The following WWOX variants were observed in gnomAD, a reference collection of about 807,000 sequenced individuals.
WWOX encodes the protein WW domain containing oxidoreductase, also known as WW domain-containing oxidoreductase.
Under a neutral mutation model 46.2 loss-of-function variants are expected in WWOX, and 69 were observed. The observed-to-expected ratio is 1.49, with a 90% CI of 1.23 to 1.82. The LOEUF (loss-of-function observed/expected upper bound fraction) is 1.82, where lower values mean the gene tolerates loss of function less well. Among genes scored for constraint, WWOX ranks in the 40% most tolerant of loss-of-function variants. The pLI is 0.00. For missense variants in WWOX, 919 were observed against 542.6 expected (o/e 1.69, Z -6.89); for synonymous variants, 359 against 202.6 (o/e 1.77, Z -6.56).
At chr16:78,237,015 A>T (rs2075299712) in intron 5 of WWOX, among the ~76,000 whole-genome samples, 1 of 146,706 alleles carries the variant, frequency 6.8e-6, no homozygotes, top group South Asian at 2.2e-4. Flanking sequence ...CGGAGGTTGC[A>T]GTGAGCCGAG....
At chr16:78,452,876 T>TAC (rs1300468771) in intron 8 of WWOX, among the ~76,000 whole-genome samples, 6 of 150,330 alleles carry the variant, frequency 4.0e-5, no homozygotes, top group African/African-American at 1.5e-4. Context: ...TTTATATATA[T>TAC]ATATACATAT....
At chr16:78,231,481 T>C (rs1400186874) in intron 5 of WWOX, among the ~76,000 whole-genome samples, 1 of 152,188 alleles carries the variant, frequency 6.6e-6, no homozygotes, top group Non-Finnish European at 1.5e-5. Context: ...TCAGCCTGAG[T>C]GTTGCTACCT....
chr16:79,074,409 C>CTTTTT lies in WWOX; in HGVS notation c.1057-137170_1057-137166dup, dbSNP rs60074156. ...CATCCTGACTGAAATGTCACTAGTC[C>CTTTTT]TTTTTTTTTTTTTTTTTTTTTTTTT... On this transcript the variant is annotated intron_variant, in intron 8 of 8. Coordinates refer to ENST00000566780, the MANE Select transcript of WWOX (RefSeq NM_016373.4). 2.4e-3 allele frequency among the ~76,000 whole-genome samples: 75 copies of CTTTTT among 30,980 alleles called. 2 individuals carry two copies. Among genetic ancestry groups the CTTTTT allele is most frequent in the African/African-American group, 6.2e-3 (46 of 7,466 alleles). The allele number at this position is 30,980 out of a possible 152,430, so 20.3% of individuals were successfully genotyped here. A position where few individuals can be genotyped will look rare whatever the true frequency, so the allele number is the denominator to read the frequency against.
At chr16:78,484,260 T>G (rs935111876) in intron 8 of WWOX, among the ~76,000 whole-genome samples, 1 of 152,244 alleles carries the variant, frequency 6.6e-6, no homozygotes, top group Non-Finnish European at 1.5e-5. Context: ...TTGGCATATA[T>G]TAAAGTACTA....
intron 8 of WWOX, among the ~76,000 whole-genome samples, chr16:78,809,366 A>G (rs1567575009): frequency 6.6e-6 from 1 of 151,474 alleles, no homozygotes; most frequent in Non-Finnish European, 1.5e-5. Flanking sequence ...AGAAAAAAGC[A>G]TTTTTCGAAT....
chr16:78,920,577 G>T (rs569249710), intron 8 of WWOX, among the ~76,000 whole-genome samples: 1 of 152,210 alleles, frequency 6.6e-6, no homozygotes, highest in East Asian at 1.9e-4. Flanking sequence ...TTAAATGTCA[G>T]CTTTGAGTGA....
chr16:78,299,424 A>G (rs1209102722), intron 5 of WWOX, among the ~76,000 whole-genome samples: 1 of 152,144 alleles, frequency 6.6e-6, no homozygotes, highest in Non-Finnish European at 1.5e-5. Flanking sequence ...CAAAAGTACA[A>G]ATCAATGTGC....
chr16:78,943,435 C>G (rs1004435387), intron 8 of WWOX, among the ~76,000 whole-genome samples: 2 of 152,152 alleles, frequency 1.3e-5, no homozygotes, highest in African/African-American at 2.4e-5. Context: ...ACCTGGAGAA[C>G]TCCTAGAGGG....
Position 78,338,278 on chromosome 16 carries a change from C to G in WWOX, c.517-48582C>G, listed in dbSNP as rs1447411277. Among the ~76,000 whole-genome samples the G allele has an allele frequency of 1.6e-5, 2 of 121,250 alleles. 1 individual carries two copies. Among genetic ancestry groups the G allele is most frequent in the African/African-American group, 5.6e-5 (2 of 35,730 alleles). 79.5% of individuals were successfully genotyped at this position (121,250 alleles called of 152,430 possible). Reference sequence around the variant, plus strand: ...CACTTGCCTGATACTGCCTAGTGAGCAGGTGGAAATGTAGACACCAACACC... The same window carrying G: ...CACTTGCCTGATACTGCCTAGTGAGGAGGTGGAAATGTAGACACCAACACC... On this transcript the variant is annotated intron_variant, in intron 5 of 8. Coordinates refer to ENST00000566780, the MANE Select transcript of WWOX (RefSeq NM_016373.4).
At chr16:78,281,443 A>T (rs1012708543) in intron 5 of WWOX, among the ~76,000 whole-genome samples, 2 of 152,194 alleles carry the variant, frequency 1.3e-5, no homozygotes, top group Non-Finnish European at 2.9e-5. Flanking sequence ...ACACACAAAA[A>T]GCTCCAAATT....
chr16:78,638,787 A>G (rs1441152435), intron 8 of WWOX, among the ~76,000 whole-genome samples: 2 of 152,164 alleles, frequency 1.3e-5, no homozygotes, highest in Non-Finnish European at 2.9e-5. Context: ...ATTTCTAGGA[A>G]TTCACAGTAA....
rs144283411 is a variant in WWOX, at chr16:78,693,099, G to C, written c.1056+260347G>C. Reference sequence around the variant, plus strand: ...ACCTTTTAGATCTCTTTCCTTGGAAGGTTCAGCAAGATGCTTGTAAATGTA... The same window carrying C: ...ACCTTTTAGATCTCTTTCCTTGGAACGTTCAGCAAGATGCTTGTAAATGTA... On this transcript the variant is annotated intron_variant, in intron 8 of 8. Coordinates refer to ENST00000566780, the MANE Select transcript of WWOX (RefSeq NM_016373.4). 1.4e-3 allele frequency among the ~76,000 whole-genome samples: 214 copies of C among 152,302 alleles called. 3 individuals are homozygous for C. Among genetic ancestry groups the C allele is most frequent in the Non-Finnish European group, 2.1e-3 (144 of 68,032 alleles).
intron 8 of WWOX, among the ~76,000 whole-genome samples, chr16:78,874,508 A>G (rs1490829875): frequency 6.6e-6 from 1 of 151,984 alleles, no homozygotes; most frequent in Non-Finnish European, 1.5e-5. Flanking sequence ...GTGCCTGGCC[A>G]GGGCTCACTG....
chr16:78,400,480 C>T (rs1195857184), intron 6 of WWOX, among the ~76,000 whole-genome samples: 1 of 152,136 alleles, frequency 6.6e-6, no homozygotes, highest in Non-Finnish European at 1.5e-5. Context: ...AATTGTTCTG[C>T]ATTGTGGATC....
At chr16:78,254,548 C>T (rs1002364287) in intron 5 of WWOX, among the ~76,000 whole-genome samples, 13 of 129,926 alleles carry the variant, frequency 1.0e-4, no homozygotes, top group Non-Finnish European at 1.9e-4. Context: ...CTCTGTGGCC[C>T]AGGCTAGTAT....
chr16:78,545,209 G>A (rs1365685522), intron 8 of WWOX, among the ~76,000 whole-genome samples: 2 of 152,148 alleles, frequency 1.3e-5, no homozygotes, highest in East Asian at 1.9e-4. Flanking sequence ...GTGACTGCAA[G>A]GGTCAAAACT....
At chr16:78,570,046 A>G (rs901913838) in intron 8 of WWOX, among the ~76,000 whole-genome samples, 2 of 152,224 alleles carry the variant, frequency 1.3e-5, no homozygotes, top group African/African-American at 4.8e-5. Context: ...GTGGATATAA[A>G]TATAAAGAAA....
At chr16:78,852,756 AAC>A (rs1233516506) in intron 8 of WWOX, among the ~76,000 whole-genome samples, 11 of 152,238 alleles carry the variant, frequency 7.2e-5, no homozygotes. Flanking sequence ...ATAGCTTAAT[AAC>A]AATTAAAATG....
chr16:78,581,023 A>C (rs2045038448), intron 8 of WWOX, among the ~76,000 whole-genome samples: 1 of 152,232 alleles, frequency 6.6e-6, no homozygotes, highest in South Asian at 2.1e-4. Context: ...AAATGACTTT[A>C]ATCATATGAA....
Sources: gnomAD v4.1 joint callset for allele counts (sites outside exome capture counted in the v4.1 genomes callset) on GRCh38, gnomAD v4.1.1 for gene constraint, MANE v1.5 for transcripts, NCBI Gene and HGNC (gene_info 2026-07-23, HGNC 2026-07-21) for gene names.